Variants in KCMF1 observed in about 807,000 individuals in gnomAD.
KCMF1 encodes E3 ubiquitin-protein ligase KCMF1.
KCMF1 carries 3 observed loss-of-function variants against 41.1 expected under a neutral mutation model. The ratio of observed to expected loss-of-function variants is 0.07; its 90% CI spans 0.03 to 0.19. The LOEUF is 0.19. Ranked by LOEUF, KCMF1 falls within the 10% of genes least tolerant of loss-of-function variation. The probability of loss-of-function intolerance (pLI) is 1.00; values close to 1 mark genes in which losing one functional copy is unlikely to be tolerated. For synonymous variants in KCMF1, 142 were observed against 164.5 expected, an observed-to-expected ratio of 0.86 and a Z score of 1.04; for missense variants, 286 against 488.9, an observed-to-expected ratio of 0.58 and a Z score of 3.91.
chr2:85,046,868 A>G (rs1044959945), intron 5 of KCMF1, among the ~76,000 whole-genome samples: 1 of 152,186 alleles, frequency 6.6e-6, no homozygotes, highest in Non-Finnish European at 1.5e-5. Context: ...CAGTCAAAAA[A>G]TAGGTGAGTA....
chr2:84,981,099 A>G (rs1673732775), intron 1 of KCMF1, among the ~76,000 whole-genome samples: 1 of 151,940 alleles, frequency 6.6e-6, no homozygotes, highest in South Asian at 2.1e-4. Context: ...GGTCAGTTGT[A>G]TTACCCTCAG....
chr2:84,980,367 A>G (rs975794523), intron 1 of KCMF1, among the ~76,000 whole-genome samples: 1 of 152,132 alleles, frequency 6.6e-6, no homozygotes, highest in Non-Finnish European at 1.5e-5. Flanking sequence ...GATGTTGGAA[A>G]CAGAAAACCA....
intron 2 of KCMF1, among the ~76,000 whole-genome samples, chr2:85,031,877 C>T (rs2104035063): frequency 6.6e-6 from 1 of 152,162 alleles, no homozygotes; most frequent in South Asian, 2.1e-4. Flanking sequence ...GTAGCCCACA[C>T]CACATGCACA....
At chr2:85,047,863 A>G (rs1020404211) in intron 5 of KCMF1, among the ~76,000 whole-genome samples, 3 of 152,146 alleles carry the variant, frequency 2.0e-5, no homozygotes, top group African/African-American at 7.2e-5. Context: ...GAACACCTGA[A>G]ACATTGATAA....
chr2:84,974,118 A>G (rs112102565), intron 1 of KCMF1, among the ~76,000 whole-genome samples: 2,786 of 151,978 alleles, frequency 0.018, 70 homozygotes, highest in African/African-American at 0.063. Flanking sequence ...GTGAGCCACC[A>G]CGCCCAGCCT....
chr2:85,008,246 TG>T lies in KCMF1; in HGVS notation c.17-19642del, dbSNP rs111232497. Among the ~76,000 whole-genome samples the T allele has an allele frequency of 7.2e-3, 818 of 112,940 alleles. 13 individuals are homozygous for T. The highest frequency in any genetic ancestry group is 0.027 in the African/African-American group (783 of 29,438). The allele number at this position is 112,940 out of a possible 152,430, so 74.1% of individuals were successfully genotyped here. ...AATACATCACATATTATATTATATATGATATATATTATATATCATATATAAT... is the reference window on the plus strand; with the variant it reads ...AATACATCACATATTATATTATATATATATATATTATATATCATATATAAT... On this transcript the variant is annotated intron_variant, in intron 1 of 6. Coordinates refer to ENST00000409785, the MANE Select transcript of KCMF1 (RefSeq NM_020122.5).
Position 85,027,944 on chromosome 2 carries a change from T to C in KCMF1, c.72T>C (p.Cys24=). 6.2e-7 allele frequency: 1 copy of C among 1,613,028 alleles called. No individual in the cohort carries two copies. The highest frequency in any genetic ancestry group is 8.5e-7 in the Non-Finnish European group (1 of 1,179,256). ...KGNFRGRRYK[C]LICYDYDLCA... Reference sequence around the variant, plus strand: ...ATTTTCGAGGTCGCAGATATAAGTGTTTAATTTGCTACGATTACGATCTTT... The same window carrying C: ...ATTTTCGAGGTCGCAGATATAAGTGCTTAATTTGCTACGATTACGATCTTT... Residue 24 remains cysteine, a synonymous_variant, in exon 2 of 7, where the codon TGT becomes TGC. Transcript: ENST00000409785.
chr2:85,006,293 T>G (rs1674469127), intron 1 of KCMF1, among the ~76,000 whole-genome samples: 1 of 147,974 alleles, frequency 6.8e-6, no homozygotes, highest in African/African-American at 2.5e-5. Flanking sequence ...TATTCTCATT[T>G]TCTTTTTTTT....
At chr2:85,045,368 C>T (rs1675638922) in intron 4 of KCMF1, among the ~76,000 whole-genome samples, 1 of 152,116 alleles carries the variant, frequency 6.6e-6, no homozygotes, top group African/African-American at 2.4e-5. Context: ...TACCGTGACA[C>T]CTGAAGGCCT....
At chr2:85,023,582 A>G (rs188320927) in intron 1 of KCMF1, among the ~76,000 whole-genome samples, 12 of 152,116 alleles carry the variant, frequency 7.9e-5, no homozygotes, top group African/African-American at 1.2e-4. Flanking sequence ...CGGTCTCCCA[A>G]AGTGCTGGGA....
intron 4 of KCMF1, among the ~76,000 whole-genome samples, chr2:85,045,490 A>G (rs1675642469): frequency 1.3e-5 from 2 of 152,206 alleles, no homozygotes; most frequent in Admixed American, 6.5e-5. Context: ...TGGTACTTTA[A>G]AGGAAAAATC....
chr2:85,051,133 A>G (rs1255074744), intron 6 of KCMF1, among the ~76,000 whole-genome samples: 1 of 152,224 alleles, frequency 6.6e-6, no homozygotes, highest in Non-Finnish European at 1.5e-5. Flanking sequence ...AACATTTTAA[A>G]TGGGTAATTT....
At chr2:85,008,354 A>ATATTATATATG (rs1394581511) in intron 1 of KCMF1, among the ~76,000 whole-genome samples, 2 of 56,464 alleles carry the variant, frequency 3.5e-5, no homozygotes, top group South Asian at 8.8e-4. Context: ...TATAATATAT[A>ATATTATATATG]ATATATATTA....
At chr2:85,037,180 C>T (rs1174088174) in intron 3 of KCMF1, among the ~76,000 whole-genome samples, 1 of 152,110 alleles carries the variant, frequency 6.6e-6, no homozygotes, top group Non-Finnish European at 1.5e-5. Flanking sequence ...GCAGTTGTCA[C>T]TCTATTTTCA....
intron 5 of KCMF1, 127 bp from the exon 6 acceptor site, chr2:85,049,239 T>G (rs1302374871): frequency 1.0e-5 from 9 of 890,642 alleles, no homozygotes; most frequent in Non-Finnish European, 1.6e-5. Context: ...GCTCTTAAAC[T>G]GTGTGCTGTG....
chr2:85,008,853 C>T (rs1264201133), intron 1 of KCMF1, among the ~76,000 whole-genome samples: 1 of 151,580 alleles, frequency 6.6e-6, no homozygotes. Flanking sequence ...CAACCTCTGC[C>T]TCCCGGGCTC....
rs1170338522 is a variant in KCMF1 at position 85,053,273 on chromosome 2, A to T, written c.1010A>T (p.Asp337Val). Residue 337 changes from aspartate (D) to valine (V), a missense_variant, in exon 7 of 7, where the codon GAT becomes GTT. Coordinates refer to ENST00000409785, the MANE Select transcript of KCMF1 (RefSeq NM_020122.5). ...TLVREESSSS[D>V]EDDRGEMADF... ...GTGCGTGAAGAGAGCTCATCCTCAG[A>T]TGAGGATGATCGGGGGGAGATGGCA... 1 of 1,613,898 alleles carries T rather than the reference A, an allele frequency of 6.2e-7. No homozygotes were observed. The highest frequency in any genetic ancestry group is 1.6e-4 in the Middle Eastern group (1 of 6,062).
intron 1 of KCMF1, among the ~76,000 whole-genome samples, chr2:84,977,935 G>T (rs1402259218): frequency 6.6e-6 from 1 of 151,130 alleles, no homozygotes; most frequent in African/African-American, 2.4e-5. Context: ...ACATGTTCTT[G>T]TTTCAAATTG....
chr2:85,008,305 AATATG>A (rs1328671220), intron 1 of KCMF1, among the ~76,000 whole-genome samples: 1 of 9,034 alleles, frequency 1.1e-4, no homozygotes, highest in African/African-American at 2.6e-4. Context: ...TATAATATAT[AATATG>A]ATATATATAT....
Sources: gnomAD v4.1 joint callset for allele counts (sites outside exome capture counted in the v4.1 genomes callset) on GRCh38, gnomAD v4.1.1 for gene constraint, MANE v1.5 for transcripts, NCBI Gene and HGNC (gene_info 2026-07-23, HGNC 2026-07-21) for gene names.